The following SYBU variants were observed in gnomAD, a reference collection of about 807,000 sequenced individuals.
The protein encoded by SYBU is GOLSYN A protein.
In SYBU, 21 loss-of-function variants were observed where a neutral mutation model predicts 35.9. That is an observed-to-expected ratio of 0.58 (90% CI 0.41 to 0.84). The LOEUF is 0.84. SYBU is among the 40% of genes least tolerant of loss of function. The pLI is 0.00. For synonymous variants in SYBU, 319 were observed against 324.3 expected (o/e 0.98, Z 0.18); for missense variants, 768 against 848.2 (o/e 0.91, Z 1.17).
intron 2 of SYBU, among the ~76,000 whole-genome samples, chr8:109,635,277 A>C (rs1814096794): frequency 6.6e-6 from 1 of 152,056 alleles, no homozygotes; most frequent in Non-Finnish European, 1.5e-5. Context: ...TGATACCTAA[A>C]CCTCTTGGCT....
At chr8:109,671,221 T>C (rs1816967830) in intron 1 of SYBU, among the ~76,000 whole-genome samples, 1 of 151,462 alleles carries the variant, frequency 6.6e-6, no homozygotes, top group Non-Finnish European at 1.5e-5. Flanking sequence ...CAAATCTTAT[T>C]TCAGCATTTC....
intron 1 of SYBU, among the ~76,000 whole-genome samples, chr8:109,651,778 G>T (rs1466112802): frequency 2.0e-5 from 3 of 152,072 alleles, no homozygotes; most frequent in African/African-American, 7.2e-5. Flanking sequence ...AACCACCATT[G>T]CTGTGTCTTG....
chr8:109,595,975 G>C (rs764877518), intron 3 of SYBU, among the ~76,000 whole-genome samples: 4 of 152,184 alleles, frequency 2.6e-5, no homozygotes, highest in Non-Finnish European at 5.9e-5. Flanking sequence ...GAAAATGAAA[G>C]AAAAGGAAGC....
intron 2 of SYBU, among the ~76,000 whole-genome samples, chr8:109,627,161 A>T (rs1184623727): frequency 2.0e-5 from 3 of 152,166 alleles, no homozygotes; most frequent in East Asian, 3.9e-4. Context: ...GTGGGGGGGA[A>T]GTTATTGCTA....
At chr8:109,664,772 G>A (rs902615348) in intron 1 of SYBU, among the ~76,000 whole-genome samples, 4 of 152,142 alleles carry the variant, frequency 2.6e-5, no homozygotes, top group Non-Finnish European at 4.4e-5. Context: ...AGAGAATACT[G>A]GGTGTTGGGA....
chr8:109,588,446 AAG>A (rs555258956), intron 3 of SYBU, among the ~76,000 whole-genome samples: 29 of 152,312 alleles, frequency 1.9e-4, no homozygotes, highest in Non-Finnish European at 3.1e-4. Context: ...GTACATCTGA[AAG>A]AGATTAGAAG....
Position 109,579,898 on chromosome 8 carries a change from T to A in SYBU, c.635A>T (p.Gln212Leu), listed in dbSNP as rs1822817941. 1 of 1,613,856 alleles carries A rather than the reference T, an allele frequency of 6.2e-7. No homozygotes were observed. The highest frequency in any genetic ancestry group is 1.3e-5 in the African/African-American group (1 of 74,906). ...GGGATGGATATTGACAGGGCTCAGC[T>A]GATTCCTGCACAGCATGGACAGAAG... ...KDLLSMLCRN[Q>L]LSPVNIHPSY... The change falls in exon 5 of 7, where the codon CAG (glutamine) becomes CTG (leucine). Residue 212 changes from glutamine (Q) to leucine (L), a missense_variant. Coordinates refer to ENST00000276646, the MANE Select transcript of SYBU (RefSeq NM_001099754.2).
intron 3 of SYBU, among the ~76,000 whole-genome samples, chr8:109,590,278 C>T (rs959555304): frequency 3.9e-5 from 6 of 152,184 alleles, no homozygotes; most frequent in Admixed American, 2.0e-4. Flanking sequence ...ATCCAAGAAA[C>T]GCTTCACAGC....
In SYBU at chr8:109,575,862, T is replaced by G; in HGVS notation, c.1036A>C (p.Ser346Arg). 6.2e-7 allele frequency: 1 copy of G among 1,614,016 alleles called. No individual in the cohort carries two copies. Among genetic ancestry groups the G allele is most frequent in the South Asian group, 1.1e-5 (1 of 91,074 alleles). Residue 346 changes from serine (S) to arginine (R), a missense_variant, in exon 7 of 7, where the codon AGC becomes CGC. By Grantham distance (110) the Ser-to-Arg change is moderately radical. Coordinates refer to ENST00000276646, the MANE Select transcript of SYBU (RefSeq NM_001099754.2). ...QLKQVIETMR[S>R]SLADKDKGIQ... ...CCTTTATCTTTATCAGCCAAGCTGC[T>G]CCGCATGGTTTCGATGACCTGTTTG...
At chr8:109,642,662 C>T (rs1443597378) in intron 2 of SYBU, 66 bp downstream of exon 2, 1 of 1,111,454 alleles carries the variant, frequency 9.0e-7, no homozygotes. Context: ...CCAGTATGGG[C>T]CCATTCACAA....
chr8:109,655,452 T>A (rs1426071750), intron 1 of SYBU, among the ~76,000 whole-genome samples: 3 of 152,246 alleles, frequency 2.0e-5, no homozygotes, highest in Non-Finnish European at 4.4e-5. Context: ...AATTTTTAAG[T>A]GACCAAGTGA....
intron 1 of SYBU, among the ~76,000 whole-genome samples, chr8:109,654,042 G>A (rs778451801): frequency 4.6e-5 from 7 of 151,780 alleles, no homozygotes; most frequent in South Asian, 2.1e-4. Flanking sequence ...CTCAATGAAC[G>A]TTAGCTATTT....
At chr8:109,678,208 A>G (rs1817268311) in intron 1 of SYBU, among the ~76,000 whole-genome samples, 2 of 151,326 alleles carry the variant, frequency 1.3e-5, no homozygotes, top group South Asian at 4.2e-4. Context: ...AGTAAACTTT[A>G]AAAGTCACAC....
At chr8:109,650,333 A>C (rs992571425) in intron 1 of SYBU, among the ~76,000 whole-genome samples, 1 of 152,198 alleles carries the variant, frequency 6.6e-6, no homozygotes, top group African/African-American at 2.4e-5. Context: ...TTTCTAGTAA[A>C]CATCTTAAAA....
intron 3 of SYBU, among the ~76,000 whole-genome samples, chr8:109,618,229 C>A (rs185495270): frequency 6.6e-6 from 1 of 152,198 alleles, no homozygotes; most frequent in Non-Finnish European, 1.5e-5. Context: ...TTACATAGTG[C>A]AGATTCTGAG....
chr8:109,590,754 G>T (rs1190349769), intron 3 of SYBU, among the ~76,000 whole-genome samples: 1 of 138,954 alleles, frequency 7.2e-6, no homozygotes, highest in Non-Finnish European at 1.5e-5. Flanking sequence ...TTTACCAGAA[G>T]CTCATAAAAT....
chr8:109,682,869 G>A (rs1436088917), upstream of SYBU, among the ~76,000 whole-genome samples: 1 of 152,220 alleles, frequency 6.6e-6, no homozygotes, highest in Admixed American at 6.5e-5. Context: ...CATCCCAGCT[G>A]TTCTAAGCCA....
At chr8:109,589,637 T>C (rs1390393503) in intron 3 of SYBU, among the ~76,000 whole-genome samples, 16 of 152,232 alleles carry the variant, frequency 1.1e-4, no homozygotes. Context: ...GAGATATTCC[T>C]TTTATTTATA....
chr8:109,655,729 A>T (rs1816327507), intron 1 of SYBU, among the ~76,000 whole-genome samples: 1 of 152,230 alleles, frequency 6.6e-6, no homozygotes, highest in Admixed American at 6.5e-5. Context: ...TTTACAAGAC[A>T]CTGTCATTTA....
Sources: allele counts gnomAD v4.1 joint callset (sites outside exome capture counted in the v4.1 genomes callset), GRCh38; gene constraint gnomAD v4.1.1; transcripts MANE v1.5; gene names NCBI Gene and HGNC (gene_info 2026-07-23, HGNC 2026-07-21).